Variants in NDRG3 observed in about 807,000 individuals in gnomAD.
The protein encoded by NDRG3 is protein NDRG3.
Under a neutral mutation model 57.2 loss-of-function variants are expected in NDRG3, and 23 were observed. That is an observed-to-expected ratio of 0.40 (90% CI 0.29 to 0.57). The LOEUF (loss-of-function observed/expected upper bound fraction) is 0.57, where lower values mean the gene tolerates loss of function less well. Among genes scored for constraint, NDRG3 ranks in the 20% least tolerant of loss-of-function variants. The pLI, the probability that NDRG3 is intolerant of heterozygous loss-of-function variation, is 0.42. For missense variants in NDRG3, 384 were observed against 457.3 expected (o/e 0.84, Z 1.46); for synonymous variants, 132 against 162.6 (o/e 0.81, Z 1.43).
chr20:36,656,462 G>T (rs1227572856), intron 14 of NDRG3, 35 bp downstream of exon 14: 1 of 1,614,128 alleles, frequency 6.2e-7, no homozygotes, highest in Admixed American at 1.7e-5. Flanking sequence ...CAGAGAAGCA[G>T]AATTAAATGG....
intron 3 of NDRG3, among the ~76,000 whole-genome samples, chr20:36,697,788 A>T (rs573018701): frequency 2.0e-5 from 3 of 151,784 alleles, no homozygotes; most frequent in Non-Finnish European, 4.4e-5. Context: ...GCCATGTATG[A>T]TCTATAAGTG....
chr20:36,678,631 G>T (rs974127620), intron 8 of NDRG3, among the ~76,000 whole-genome samples: 10 of 152,216 alleles, frequency 6.6e-5, no homozygotes, highest in Non-Finnish European at 1.2e-4. Flanking sequence ...AGTGAGCCAA[G>T]ATCATGCCAC....
Position 36,688,780 on chromosome 20 carries a change from T to C in NDRG3, c.98A>G (p.His33Arg). 6.2e-7 allele frequency: 1 copy of C among 1,611,914 alleles called. No homozygotes were observed. Among genetic ancestry groups the C allele is most frequent in the Non-Finnish European group, 8.5e-7 (1 of 1,177,964 alleles). The change falls in exon 4 of 16, where the codon CAT becomes CGT. Residue 33 changes from histidine to arginine, a missense_variant. Coordinates refer to ENST00000349004, the MANE Select transcript of NDRG3 (RefSeq NM_032013.4). ...RNFQDFDCQE[H>R]DIETTHGVVH... ...CACACCATGAGTTGTTTCTATATCA[T>C]GTTCCTGTAACAAGAGAATGTAAGT...
At chr20:36,664,242 A>G (rs1377801003) in intron 12 of NDRG3, among the ~76,000 whole-genome samples, 1 of 152,218 alleles carries the variant, frequency 6.6e-6, no homozygotes, top group Non-Finnish European at 1.5e-5. Context: ...CAAATCTTGT[A>G]TATTTAATAT....
chr20:36,712,587 AT>A (rs71186015), intron 2 of NDRG3, among the ~76,000 whole-genome samples: 3 of 5,908 alleles, frequency 5.1e-4, no homozygotes, highest in African/African-American at 1.1e-3. Context: ...ATATATATAT[AT>A]TTTTTTTTTT....
Position 36,712,096 on chromosome 20 carries a change from G to GT in NDRG3, c.58-5090dup, listed in dbSNP as rs559322473. ...AGCCACCGCACCTGGTTGTTTTTTT[G>GT]TTTTTTTTGTTGTTGTTTTTTTTTG... On this transcript the variant is annotated intron_variant, in intron 2 of 15. Transcript: ENST00000349004. Among the ~76,000 whole-genome samples, 789 of 151,270 alleles carry GT rather than the reference G, an allele frequency of 5.2e-3. 5 individuals carry two copies. Among genetic ancestry groups the GT allele is most frequent in the South Asian group, 0.011 (53 of 4,780 alleles).
chr20:36,713,727 G>C (rs1281403341), intron 2 of NDRG3, among the ~76,000 whole-genome samples: 1 of 152,122 alleles, frequency 6.6e-6, no homozygotes, highest in Admixed American at 6.5e-5. Context: ...CACTTAATGA[G>C]TGCAATAAAC....
intron 4 of NDRG3, 137 bp from the exon 5 acceptor site, chr20:36,687,749 C>T: frequency 5.1e-6 from 5 of 976,696 alleles, no homozygotes; most frequent in Non-Finnish European, 7.3e-6. Flanking sequence ...TCTGAACAAT[C>T]TGTCTGATTC....
chr20:36,715,037 TATATATATATATA>T (rs2148186317), intron 2 of NDRG3, among the ~76,000 whole-genome samples: 1 of 118,792 alleles, frequency 8.4e-6, no homozygotes, highest in African/African-American at 3.7e-5. Context: ...TATATATATA[TATATATATATATA>T]TATATTATAT....
At chr20:36,740,992 T>TG (rs960771417) in intron 1 of NDRG3, among the ~76,000 whole-genome samples, 42 of 151,592 alleles carry the variant, frequency 2.8e-4, no homozygotes, top group South Asian at 8.4e-4. Context: ...AAAAGAAAGG[T>TG]GGGGGGGGAA....
rs774462877 is a variant in NDRG3, at chr20:36,739,909, C to CAA, written c.-49+6134_-49+6135dup. Among the ~76,000 whole-genome samples the CAA allele has an allele frequency of 8.4e-3, 322 of 38,368 alleles. 1 individual carries two copies. Among genetic ancestry groups the CAA allele is most frequent in the Non-Finnish European group, 9.5e-3 (160 of 16,846 alleles). The allele number at this position is 38,368 out of a possible 152,430, so 25.2% of individuals were successfully genotyped here. A position where few individuals can be genotyped will look rare whatever the true frequency, so the allele number is the denominator to read the frequency against. On this transcript the variant is annotated intron_variant, in intron 1 of 15. Coordinates refer to ENST00000349004, the MANE Select transcript of NDRG3 (RefSeq NM_032013.4). Reference sequence around the variant, plus strand: ...TGGGTGACAGAGCGAGACTCCGTCTCAAAAAAAAAAAAAAAAAAAAAAACC... The same window carrying CAA: ...TGGGTGACAGAGCGAGACTCCGTCTCAAAAAAAAAAAAAAAAAAAAAAAAACC...
At chr20:36,740,896 C>A (rs1310616112) in intron 1 of NDRG3, among the ~76,000 whole-genome samples, 1 of 152,044 alleles carries the variant, frequency 6.6e-6, no homozygotes, top group Non-Finnish European at 1.5e-5. Flanking sequence ...TTTAAAAATT[C>A]ATTTACCAAA....
intron 1 of NDRG3, among the ~76,000 whole-genome samples, chr20:36,744,372 C>G (rs946364315): frequency 6.6e-6 from 1 of 151,866 alleles, no homozygotes; most frequent in African/African-American, 2.4e-5. Context: ...CAGAAGAACA[C>G]CACGCTTTGA....
chr20:36,668,935 A>C (rs1389222097), intron 9 of NDRG3, among the ~76,000 whole-genome samples: 1 of 151,932 alleles, frequency 6.6e-6, no homozygotes, highest in African/African-American at 2.4e-5. Flanking sequence ...TATATGAAGT[A>C]GTATTTCTTT....
chr20:36,683,691 T>TATAC (rs142811527), intron 6 of NDRG3, among the ~76,000 whole-genome samples: 1 of 146,740 alleles, frequency 6.8e-6, no homozygotes, highest in Non-Finnish European at 1.5e-5. Context: ...CACATATATG[T>TATAC]ACACACACAC....
rs1000844842 is a variant in NDRG3, at chr20:36,687,591, A to G, written c.221T>C (p.Phe74Ser). 6.2e-7 allele frequency: 1 copy of G among 1,613,776 alleles called. No individual in the cohort carries two copies. The highest frequency in any genetic ancestry group is 8.5e-7 in the Non-Finnish European group (1 of 1,179,864). ...GLNHKSCFNA[F>S]FNFEDMQEIT... Reference sequence around the variant, plus strand: ...CTCTTGCATATCCTCAAAGTTAAAGAATGCATTGAAACAGGATTTATCTAT... The same window carrying G: ...CTCTTGCATATCCTCAAAGTTAAAGGATGCATTGAAACAGGATTTATCTAT... Residue 74 changes from phenylalanine (F) to serine (S), a missense_variant, in exon 5 of 16, where the codon TTC becomes TCC. Phe to Ser is a radical substitution (Grantham distance 155). Coordinates refer to ENST00000349004, the MANE Select transcript of NDRG3 (RefSeq NM_032013.4).
chr20:36,724,549 ATGTT>A (rs982777325), intron 1 of NDRG3, among the ~76,000 whole-genome samples: 2 of 152,220 alleles, frequency 1.3e-5, no homozygotes, highest in African/African-American at 4.8e-5. Flanking sequence ...AATCTACTCC[ATGTT>A]TGTTTATTAA....
At chr20:36,732,032 G>A (rs1413632728) in intron 1 of NDRG3, among the ~76,000 whole-genome samples, 1 of 150,870 alleles carries the variant, frequency 6.6e-6, no homozygotes, top group Admixed American at 6.6e-5. Flanking sequence ...GAGGTGGGAG[G>A]ATCACCTAAA....
chr20:36,743,902 C>CT (rs1188148076), intron 1 of NDRG3, among the ~76,000 whole-genome samples: 2,022 of 119,080 alleles, frequency 0.017, 169 homozygotes, highest in Non-Finnish European at 0.025. Flanking sequence ...CATAAACAAG[C>CT]TTTTTTTTTT....
Sources: gnomAD v4.1 joint callset for allele counts (sites outside exome capture counted in the v4.1 genomes callset) on GRCh38, gnomAD v4.1.1 for gene constraint, MANE v1.5 for transcripts, NCBI Gene and HGNC (gene_info 2026-07-23, HGNC 2026-07-21) for gene names.